EXD1: variants seen among roughly 807,000 people sequenced by gnomAD.
EXD1 encodes the protein exonuclease 3'-5' domain containing 1.
EXD1 carries 63 observed loss-of-function variants against 49.1 expected under a neutral mutation model. The ratio of observed to expected loss-of-function variants is 1.28; its 90% CI spans 1.05 to 1.58. The LOEUF is 1.58. Among genes scored for constraint, EXD1 ranks in the 40% most tolerant of loss-of-function variants. The pLI is 0.00. For synonymous variants in EXD1, 234 were observed against 239.2 expected (o/e 0.98, Z 0.20); for missense variants, 748 against 666.0 (o/e 1.12, Z -1.36).
chr15:41,196,983 C>T (rs1027385931), intron 7 of EXD1, among the ~76,000 whole-genome samples: 1 of 151,922 alleles, frequency 6.6e-6, no homozygotes, highest in African/African-American at 2.4e-5. Flanking sequence ...CACCACCACG[C>T]CCAGCTAATT....
intron 7 of EXD1, among the ~76,000 whole-genome samples, chr15:41,203,001 T>C (rs2046757588): frequency 6.6e-6 from 1 of 151,886 alleles, no homozygotes; most frequent in African/African-American, 2.4e-5. Flanking sequence ...GTATAAAAGT[T>C]TGGAAAATAA....
intron 6 of EXD1, among the ~76,000 whole-genome samples, chr15:41,214,445 G>A (rs954733257): frequency 1.1e-4 from 16 of 151,552 alleles, no homozygotes; most frequent in African/African-American, 3.4e-4. Context: ...CCCAGGAGGC[G>A]GAGGTTGAGG....
intron 7 of EXD1, among the ~76,000 whole-genome samples, chr15:41,201,129 C>T (rs188090919): frequency 8.5e-5 from 13 of 152,208 alleles, no homozygotes; most frequent in South Asian, 2.1e-4. Context: ...CTGCCTCAGA[C>T]TCCCAAAGGG....
At chr15:41,216,923 C>T (rs1000945980) in intron 4 of EXD1, 128 bp from the exon 5 acceptor site, 5 of 1,405,764 alleles carry the variant, frequency 3.6e-6, no homozygotes, top group Middle Eastern at 2.6e-4. Context: ...TCATCCACTG[C>T]TTACATTGAC....
At position 41,215,270 on chromosome 15, in the gene EXD1, C is replaced by T. The variant is rs78884192; in HGVS notation, c.447+505G>A. Among the ~76,000 whole-genome samples, 86 of 151,960 alleles carry T rather than the reference C, an allele frequency of 5.7e-4. 1 individual carries two copies. In the South Asian group the frequency reaches 0.017, roughly 29 times the overall value. On this transcript the variant is annotated intron_variant, in intron 6 of 11. Coordinates refer to ENST00000458580, the MANE Select transcript of EXD1 (RefSeq NM_001286441.2). Reference sequence around the variant, plus strand: ...CATTAGAATATAAGCTCCTTGAGGGCGGGAACTTTGTCTTGATTATGGTTT... The same window carrying T: ...CATTAGAATATAAGCTCCTTGAGGGTGGGAACTTTGTCTTGATTATGGTTT...
chr15:41,202,075 G>A (rs934736033), intron 7 of EXD1, among the ~76,000 whole-genome samples: 2 of 151,884 alleles, frequency 1.3e-5, no homozygotes, highest in African/African-American at 4.8e-5. Context: ...TGCCACTTCT[G>A]TCATTTCAGG....
chr15:41,202,917 CA>C (rs1167336132), intron 7 of EXD1, among the ~76,000 whole-genome samples: 1,253 of 89,476 alleles, frequency 0.014, 8 homozygotes, highest in African/African-American at 0.035. Flanking sequence ...GACTCTGTCT[CA>C]AAAAAAAAAA....
intron 2 of EXD1, among the ~76,000 whole-genome samples, chr15:41,225,288 T>C (rs184283242): frequency 2.0e-5 from 3 of 152,196 alleles, no homozygotes; most frequent in East Asian, 3.9e-4. Flanking sequence ...CAAATGCATA[T>C]GGAAAGAAAT....
At chr15:41,205,079 C>T (rs2046801259) in intron 7 of EXD1, among the ~76,000 whole-genome samples, 1 of 152,164 alleles carries the variant, frequency 6.6e-6, no homozygotes, top group Admixed American at 6.6e-5. Context: ...GGACAATTAC[C>T]CGTGTATCTT....
intron 5 of EXD1, among the ~76,000 whole-genome samples, chr15:41,216,183 T>G (rs1460427508): frequency 1.3e-5 from 2 of 151,972 alleles, no homozygotes; most frequent in Non-Finnish European, 2.9e-5. Flanking sequence ...ATCACAATAT[T>G]TTATCTTAAT....
At chr15:41,203,815 C>G (rs540448394) in intron 7 of EXD1, among the ~76,000 whole-genome samples, 9 of 142,752 alleles carry the variant, frequency 6.3e-5, no homozygotes, top group Non-Finnish European at 1.2e-4. Context: ...TACTTGGGAG[C>G]CTGAGACAGG....
chr15:41,212,833 G>T (rs769054852), intron 6 of EXD1, among the ~76,000 whole-genome samples: 4 of 152,184 alleles, frequency 2.6e-5, no homozygotes, highest in Non-Finnish European at 5.9e-5. Flanking sequence ...GAGCCCAGTA[G>T]TTTGAGACCA....
At chr15:41,187,331 C>A (rs2046427647) in intron 11 of EXD1, among the ~76,000 whole-genome samples, 3 of 152,034 alleles carry the variant, frequency 2.0e-5, no homozygotes. Context: ...CTCAGGTGAA[C>A]CACCCACCTT....
At chr15:41,220,311 C>T (rs1213324301) in intron 2 of EXD1, among the ~76,000 whole-genome samples, 6 of 151,386 alleles carry the variant, frequency 4.0e-5, no homozygotes, top group Admixed American at 6.6e-5. Flanking sequence ...CGTTCTGTCA[C>T]GTAGGCTGCA....
At chr15:41,185,599 C>T (rs960701316) in intron 11 of EXD1, among the ~76,000 whole-genome samples, 3 of 152,060 alleles carry the variant, frequency 2.0e-5, no homozygotes, top group African/African-American at 7.2e-5. Context: ...CTGCAATCTC[C>T]ACCTCCTGGG....
intron 5 of EXD1, 76 bp from the exon 6 acceptor site, chr15:41,215,909 A>T: frequency 1.4e-5 from 20 of 1,451,362 alleles, no homozygotes; most frequent in Non-Finnish European, 1.8e-5. Flanking sequence ...TTTTGGCCAC[A>T]CTCATATATT....
At chr15:41,227,460 G>C (rs1465372877) in intron 1 of EXD1, among the ~76,000 whole-genome samples, 1 of 151,868 alleles carries the variant, frequency 6.6e-6, no homozygotes, top group Non-Finnish European at 1.5e-5. Context: ...ATCTGAGGTC[G>C]GGAGTTCCAG....
intron 2 of EXD1, among the ~76,000 whole-genome samples, chr15:41,221,735 T>C: frequency 6.6e-6 from 1 of 151,940 alleles, no homozygotes; most frequent in Non-Finnish European, 1.5e-5. Flanking sequence ...ACCCACTTCT[T>C]AGTTGTCCTG....
intron 9 of EXD1, among the ~76,000 whole-genome samples, chr15:41,192,811 TTTGAGACG>T (rs2046547748): frequency 7.1e-6 from 1 of 141,688 alleles, no homozygotes; most frequent in African/African-American, 2.6e-5. Flanking sequence ...TTTTTTTTTT[TTTGAGACG>T]GAGTCTCGTT....
Sources: allele counts gnomAD v4.1 joint callset (sites outside exome capture counted in the v4.1 genomes callset), GRCh38; gene constraint gnomAD v4.1.1; transcripts MANE v1.5; gene names NCBI Gene and HGNC (gene_info 2026-07-23, HGNC 2026-07-21).